Variants in ACOT1 observed in about 807,000 individuals in gnomAD.
ACOT1 encodes acyl-coenzyme A thioesterase 1.
ACOT1 carries 8 observed loss-of-function variants against 15.7 expected under a neutral mutation model. The ratio of observed to expected loss-of-function variants is 0.51; its 90% CI spans 0.30 to 0.92. The LOEUF (loss-of-function observed/expected upper bound fraction) is 0.92, where lower values mean the gene tolerates loss of function less well. Ranked by LOEUF, ACOT1 falls within the 40% of genes least tolerant of loss-of-function variation. The pLI is 0.06. For synonymous variants in ACOT1, 67 were observed against 241.2 expected, an observed-to-expected ratio of 0.28 and a Z score of 6.69; for missense variants, 151 against 539.4, an observed-to-expected ratio of 0.28 and a Z score of 7.13.
the ACOT1 span, chr14:73,495,105 A>AG: frequency 1.4e-6 from 1 of 728,386 alleles, no homozygotes; most frequent in Non-Finnish European, 2.2e-6. Flanking sequence ...CCAAGAGGGA[A>AG]GAGAGTACCC....
chr14:73,496,123 GT>G, the ACOT1 span, among the ~76,000 whole-genome samples: 3 of 151,684 alleles, frequency 2.0e-5, no homozygotes, highest in Non-Finnish European at 4.4e-5. Context: ...GAGCGAGACT[GT>G]CCCCCCCTCA....
chr14:73,497,494 A>C, the ACOT1 span, among the ~76,000 whole-genome samples: 1 of 152,204 alleles, frequency 6.6e-6, no homozygotes, highest in Admixed American at 6.5e-5. Context: ...ACAGAGTTTA[A>C]ATACCTTACA....
the ACOT1 span, chr14:73,508,308 G>A: frequency 6.2e-7 from 1 of 1,612,140 alleles, no homozygotes; most frequent in East Asian, 2.2e-5. Context: ...CCACAGTTGG[G>A]TGAAAAAGAG....
chr14:73,498,316 G>A, the ACOT1 span: 33 of 1,608,794 alleles, frequency 2.1e-5, no homozygotes, highest in African/African-American at 2.4e-4. Context: ...CCGTCAGCTC[G>A]GGACTTACTT....
chr14:73,541,495 C>A lies in ACOT1; in HGVS notation c.460C>A (p.Pro154Thr), dbSNP rs1322188613. The A allele has an allele frequency of 8.0e-7, 1 of 1,244,564 alleles. No homozygotes were observed. Among genetic ancestry groups the A allele is most frequent in the South Asian group, 1.4e-5 (1 of 72,940 alleles). The allele number at this position is 1,244,564 out of a possible 1,614,324, so 77.1% of individuals were successfully genotyped here. A position where few individuals can be genotyped will look rare whatever the true frequency, so the allele number is the denominator to read the frequency against. The change falls in exon 2 of 3, where the codon CCT becomes ACT. Residue 154 changes from proline (P) to threonine (T), a missense_variant and splice_region_variant. Coordinates refer to ENST00000311148, the MANE Select transcript of ACOT1 (RefSeq NM_001037161.2). ...VRGTLFLPPE[P>T]GPFPGIVDMF... ...ATTTTGTTTTGTTTCTTCCCAAGAA[C>A]CTGGGCCCTTTCCTGGCATTGTGGA...
At chr14:73,522,628 C>T in the ACOT1 span, 6 of 1,614,096 alleles carry the variant, frequency 3.7e-6, no homozygotes, top group Admixed American at 5.0e-5. Flanking sequence ...GTGGCCGACC[C>T]AGCATATCTG....
At chr14:73,525,953 T>TAA in the ACOT1 span, among the ~76,000 whole-genome samples, 2 of 144,640 alleles carry the variant, frequency 1.4e-5, no homozygotes, top group Admixed American at 6.8e-5. Context: ...ACTCCTTATT[T>TAA]AAAAAAAAAA....
At chr14:73,515,395 T>G in the ACOT1 span, among the ~76,000 whole-genome samples, 1 of 151,968 alleles carries the variant, frequency 6.6e-6, no homozygotes, top group Non-Finnish European at 1.5e-5. Flanking sequence ...AAGAGTCCTG[T>G]GAGGCGGGGT....
the ACOT1 span, among the ~76,000 whole-genome samples, chr14:73,518,132 G>C: frequency 2.0e-5 from 3 of 151,854 alleles, no homozygotes; most frequent in Admixed American, 2.0e-4. Context: ...GTCCACAGCT[G>C]TCTGGCGGGT....
chr14:73,510,879 TC>T, the ACOT1 span, among the ~76,000 whole-genome samples: 2 of 152,166 alleles, frequency 1.3e-5, no homozygotes, highest in Non-Finnish European at 2.9e-5. Flanking sequence ...AATTCTAGGG[TC>T]CACAAAGGGC....
At chr14:73,505,390 T>G in the ACOT1 span, among the ~76,000 whole-genome samples, 2 of 143,536 alleles carry the variant, frequency 1.4e-5, no homozygotes, top group Non-Finnish European at 3.0e-5. Context: ...GTTTTTTTGT[T>G]TTGTTTTTTT....
At chr14:73,509,890 T>G in the ACOT1 span, among the ~76,000 whole-genome samples, 1 of 137,122 alleles carries the variant, frequency 7.3e-6, no homozygotes, top group Non-Finnish European at 1.6e-5. Context: ...TATATATTTT[T>G]TGAGACGGAG....
chr14:73,523,341 C>A, the ACOT1 span: 4 of 572,420 alleles, frequency 7.0e-6, no homozygotes, highest in Admixed American at 9.4e-5. Context: ...GGGGAAGAGC[C>A]ATGTGAGTTA....
At chr14:73,513,323 A>G in the ACOT1 span, among the ~76,000 whole-genome samples, 2 of 151,880 alleles carry the variant, frequency 1.3e-5, no homozygotes, top group Admixed American at 6.6e-5. Context: ...GCCAGACATC[A>G]TGGCACATGC....
the ACOT1 span, among the ~76,000 whole-genome samples, chr14:73,519,373 A>G: frequency 2.6e-5 from 4 of 152,086 alleles, no homozygotes; most frequent in African/African-American, 9.7e-5. Flanking sequence ...TGTGGGGGAA[A>G]AAAAAAAGAA....
chr14:73,538,598 T>G (rs1595154310), intron 1 of ACOT1, among the ~76,000 whole-genome samples: 8 of 61,102 alleles, frequency 1.3e-4, no homozygotes, highest in Admixed American at 9.8e-4. Context: ...GGCAATAGAG[T>G]GAGACTCCGT....
the ACOT1 span, among the ~76,000 whole-genome samples, chr14:73,504,871 C>T: frequency 1.3e-5 from 2 of 151,972 alleles, no homozygotes; most frequent in Admixed American, 6.6e-5. Flanking sequence ...ATGGCAAAAA[C>T]GAAGTGTTGC....
At chr14:73,498,266 C>T in the ACOT1 span, 30 of 1,613,980 alleles carry the variant, frequency 1.9e-5, no homozygotes, top group Non-Finnish European at 1.6e-5. Flanking sequence ...CAGCCGTACA[C>T]CTGGTGACTC....
chr14:73,522,579 G>A, the ACOT1 span: 6 of 1,614,194 alleles, frequency 3.7e-6, no homozygotes, highest in Non-Finnish European at 5.1e-6. Flanking sequence ...GGAGGCAGAA[G>A]CCAGGCTTCT....
Sources: gnomAD v4.1 joint callset for allele counts (sites outside exome capture counted in the v4.1 genomes callset) on GRCh38, gnomAD v4.1.1 for gene constraint, MANE v1.5 for transcripts, NCBI Gene and HGNC (gene_info 2026-07-23, HGNC 2026-07-21) for gene names.